The following PTPN21 variants were observed in gnomAD, a reference collection of about 807,000 sequenced individuals.
PTPN21 encodes the protein tyrosine-protein phosphatase non-receptor type 21.
PTPN21 carries 77 observed loss-of-function variants against 131.8 expected under a neutral mutation model. The observed-to-expected ratio is 0.58, with a 90% CI of 0.49 to 0.71. PTPN21 has a LOEUF of 0.71. Ranked by LOEUF, PTPN21 falls within the 30% of genes least tolerant of loss-of-function variation. PTPN21 has a pLI of 0.00. For missense variants in PTPN21, 1,552 were observed against 1,527.1 expected (o/e 1.02, Z -0.27); for synonymous variants, 715 against 621.3 (o/e 1.15, Z -2.24).
rs1187812766 is a variant in PTPN21, at chr14:88,466,331, A to G, written c.*1806T>C. On this transcript the variant is annotated 3_prime_UTR_variant, in exon 19 of 19. Coordinates refer to ENST00000556564, the MANE Select transcript of PTPN21 (RefSeq NM_007039.4). ...ATGAGAAGTGTGCGTACTTTCAATT[A>G]GTTTTCATTAATATCTTCTGAGTTT... is the stretch of plus-strand genomic sequence containing the variant. 1 of 152,156 alleles carries G rather than the reference A, an allele frequency of 6.6e-6. No individual in the cohort carries two copies. Among genetic ancestry groups the G allele is most frequent in the Non-Finnish European group, 1.5e-5 (1 of 68,022 alleles). 9.4% of individuals were successfully genotyped at this position (152,156 alleles called of 1,614,324 possible).
chr14:88,483,886 G>A (rs1206905229), intron 12 of PTPN21, among the ~76,000 whole-genome samples: 1 of 152,092 alleles, frequency 6.6e-6, no homozygotes, highest in Non-Finnish European at 1.5e-5. Context: ...TATAATCCCA[G>A]CACTTAGAAA....
rs535857551 is a variant in PTPN21 at position 88,487,965 on chromosome 14, CAAAA to C, written c.933-2127_933-2124del. The stretch of plus-strand genomic sequence containing the variant: ...TGGGCGACAGAGTGAGACTCCATCT[CAAAA>C]AAAAAAAAAAAAAAAATAGTGCCCA... On this transcript the variant is annotated intron_variant, in intron 10 of 18. Transcript: ENST00000556564. Among the ~76,000 whole-genome samples, 193 of 92,530 alleles carry C rather than the reference CAAAA, an allele frequency of 2.1e-3. 3 individuals carry two copies. Among genetic ancestry groups the C allele is most frequent in the African/African-American group, 6.1e-3 (167 of 27,404 alleles). 60.7% of individuals were successfully genotyped at this position (92,530 alleles called of 152,430 possible). A position where few individuals can be genotyped will look rare whatever the true frequency, so the allele number is the denominator to read the frequency against.
intron 10 of PTPN21, among the ~76,000 whole-genome samples, chr14:88,488,218 T>C (rs56900846): frequency 0.037 from 5,607 of 152,112 alleles, 348 homozygotes; most frequent in African/African-American, 0.13. Flanking sequence ...ACAACATGTC[T>C]ACAGTTGCCC....
chr14:88,547,198 A>G (rs2078794352), intron 2 of PTPN21, among the ~76,000 whole-genome samples: 1 of 152,150 alleles, frequency 6.6e-6, no homozygotes, highest in South Asian at 2.1e-4. Flanking sequence ...TGGTATAAAA[A>G]TAAATAAACC....
chr14:88,474,332 A>G (rs2077519005), intron 13 of PTPN21, among the ~76,000 whole-genome samples: 1 of 151,910 alleles, frequency 6.6e-6, no homozygotes, highest in Non-Finnish European at 1.5e-5. Flanking sequence ...TGGGACTACC[A>G]GCACATGCCA....
At chr14:88,499,491 C>G (rs1194743104) in intron 8 of PTPN21, 1 of 152,062 alleles carries the variant, frequency 6.6e-6, no homozygotes, top group African/African-American at 2.4e-5. Context: ...GATTAAGAGC[C>G]CACGCATAAA....
intron 2 of PTPN21, among the ~76,000 whole-genome samples, chr14:88,525,353 T>C (rs1384303432): frequency 6.6e-6 from 1 of 151,702 alleles, no homozygotes; most frequent in Non-Finnish European, 1.5e-5. Context: ...TTGAAACGTA[T>C]AAAATGACTC....
In PTPN21 at chr14:88,479,035, G is replaced by C. The variant is rs751899811; in HGVS notation, c.2396C>G (p.Ser799Cys). 22 of 1,607,582 alleles carry C rather than the reference G, an allele frequency of 1.4e-5. No individual in the cohort carries two copies. The highest frequency in any genetic ancestry group is 1.6e-5 in the Non-Finnish European group (19 of 1,177,718). ...DGLLMPSMSE[S>C]DLTTSGRYRA... Reference sequence around the variant, plus strand: ...GTAGCGGCCTGACGTGGTGAGGTCGGACTCCGACATGGAGGGCATCAGCAG... The same window carrying C: ...GTAGCGGCCTGACGTGGTGAGGTCGCACTCCGACATGGAGGGCATCAGCAG... The change falls in exon 13 of 19, where the codon TCC becomes TGC. Residue 799 changes from serine (S) to cysteine (C), a missense_variant. By Grantham distance (112) the Ser-to-Cys change is moderately radical. Around this residue, in one of 4 missense-constraint regions of PTPN21, gnomAD observed 1,016 missense variants for 883.5 expected, o/e 1.15. Transcript: ENST00000556564.
At position 88,554,972 on chromosome 14, in the gene PTPN21, CGCGGCCGG is replaced by C. The variant is rs2078905633; in HGVS notation, c.-532_-525del. 5.9e-5 allele frequency among the ~76,000 whole-genome samples: 9 copies of C among 151,516 alleles called. No homozygotes were observed. The South Asian group carries it at 1.7e-3, about 28-fold the overall frequency. ...CAGACCGTCGGACCGACGCGGGACG[CGCGGCCGG>C]AGCAGCGGGGCGGCCGGGCCCAGGC... On this transcript the variant is annotated 5_prime_UTR_variant, in exon 1 of 19. Coordinates refer to ENST00000556564, the MANE Select transcript of PTPN21 (RefSeq NM_007039.4).
rs1200374980 is a variant in PTPN21 at position 88,468,037 on chromosome 14, C to T, written c.*100G>A. On this transcript the variant is annotated 3_prime_UTR_variant, in exon 19 of 19. Coordinates refer to ENST00000556564, the MANE Select transcript of PTPN21 (RefSeq NM_007039.4). ...CCACTTACGTCCCAGTGCCACGCTG[C>T]GTGGATCAAGTGTCAACGGGAAAGT... 1.8e-5 allele frequency: 26 copies of T among 1,433,958 alleles called. No homozygotes were observed. Among genetic ancestry groups the T allele is most frequent in the Admixed American group, 9.2e-5 (5 of 54,228 alleles). 88.8% of individuals were successfully genotyped at this position (1,433,958 alleles called of 1,614,324 possible). A position where few individuals can be genotyped will look rare whatever the true frequency, so the allele number is the denominator to read the frequency against.
intron 2 of PTPN21, among the ~76,000 whole-genome samples, chr14:88,518,327 TAC>T (rs2078321737): frequency 9.2e-6 from 1 of 108,858 alleles, no homozygotes; most frequent in African/African-American, 3.3e-5. Flanking sequence ...TACGTATATA[TAC>T]ACATATATGT....
intron 8 of PTPN21, 68 bp from the exon 9 acceptor site, chr14:88,497,358 C>T: frequency 8.0e-7 from 1 of 1,248,192 alleles, no homozygotes; most frequent in Non-Finnish European, 1.2e-6. Flanking sequence ...ATAGAATACA[C>T]AAGTTTTCCC....
At chr14:88,483,442 TG>T (rs2077682853) in intron 12 of PTPN21, among the ~76,000 whole-genome samples, 1 of 151,548 alleles carries the variant, frequency 6.6e-6, no homozygotes, top group African/African-American at 2.4e-5. Context: ...AAGAACATGG[TG>T]AGGGGGATGC....
At chr14:88,516,141 G>A (rs189359038) in intron 3 of PTPN21, among the ~76,000 whole-genome samples, 14 of 152,062 alleles carry the variant, frequency 9.2e-5, no homozygotes, top group East Asian at 1.9e-4. Flanking sequence ...AAAGATACAC[G>A]GACAATCCTA....
At chr14:88,526,487 T>C (rs1009678603) in intron 2 of PTPN21, among the ~76,000 whole-genome samples, 2 of 127,980 alleles carry the variant, frequency 1.6e-5, no homozygotes, top group Admixed American at 1.1e-4. Context: ...GAGGCAGAGG[T>C]TGCAGTGAGC....
chr14:88,538,467 G>A (rs376298552), intron 2 of PTPN21, among the ~76,000 whole-genome samples: 3 of 152,138 alleles, frequency 2.0e-5, no homozygotes, highest in Admixed American at 2.0e-4. Flanking sequence ...AACACCCTGG[G>A]GATTCCCCAA....
In PTPN21 at chr14:88,479,211, G is replaced by A. The variant is rs772065777; in HGVS notation, c.2220C>T (p.Ala740=). ...CGCGAGGGCAGCCAGGTGGGTCCTG[G>A]GCCAGGCCGGGCCGAGGCTCGCGCG... is the stretch of plus-strand genomic sequence containing the variant. ...ARAREPRPGL[A]QDPPGCPRVL... Residue 740 remains alanine, a synonymous_variant, in exon 13 of 19, where the codon GCC becomes GCT. Transcript: ENST00000556564. 2 of 1,595,252 alleles carry A rather than the reference G, an allele frequency of 1.3e-6. No individual in the cohort carries two copies. The highest frequency in any genetic ancestry group is 1.7e-5 in the Admixed American group (1 of 57,948).
chr14:88,498,627 A>T (rs2077961598), intron 8 of PTPN21, among the ~76,000 whole-genome samples: 1 of 152,236 alleles, frequency 6.6e-6, no homozygotes, highest in Non-Finnish European at 1.5e-5. Flanking sequence ...TGGGAGAAAG[A>T]ACACAGAAGC....
At chr14:88,515,086 G>A (rs922843673) in intron 3 of PTPN21, 1 of 152,200 alleles carries the variant, frequency 6.6e-6, no homozygotes, top group African/African-American at 2.4e-5. Context: ...GATGCGCTGA[G>A]GATGCTGGAG....
Sources: gnomAD v4.1 joint callset for allele counts (sites outside exome capture counted in the v4.1 genomes callset) on GRCh38, gnomAD v4.1.1 for gene constraint, gnomAD v4.1.1 regional missense constraint, MANE v1.5 for transcripts, NCBI Gene and HGNC (gene_info 2026-07-23, HGNC 2026-07-21) for gene names.